Variants in GTF2F2 observed in about 807,000 individuals in gnomAD.
The protein encoded by GTF2F2 is ATP-dependent helicase GTF2F2.
GTF2F2 carries 23 observed loss-of-function variants against 42.2 expected under a neutral mutation model. That is an observed-to-expected ratio of 0.55 (90% CI 0.39 to 0.77). The LOEUF (loss-of-function observed/expected upper bound fraction) is 0.77, where lower values mean the gene tolerates loss of function less well. Among genes scored for constraint, GTF2F2 ranks in the 30% least tolerant of loss-of-function variants. GTF2F2 has a pLI of 0.00. For missense variants in GTF2F2, 261 were observed against 287.2 expected (o/e 0.91, Z 0.66); for synonymous variants, 105 against 100.8 (o/e 1.04, Z -0.25).
chr13:45,252,597 T>G (rs560821360), intron 5 of GTF2F2, among the ~76,000 whole-genome samples: 2 of 152,304 alleles, frequency 1.3e-5, no homozygotes, highest in African/African-American at 4.8e-5. Flanking sequence ...ATTAGCTTCT[T>G]GGTTTTAGTG....
chr13:45,263,507 C>T (rs975739576), intron 6 of GTF2F2, among the ~76,000 whole-genome samples: 2 of 152,040 alleles, frequency 1.3e-5, no homozygotes, highest in Non-Finnish European at 2.9e-5. Flanking sequence ...GGATTACAGG[C>T]GTGAGCCACC....
At chr13:45,194,796 A>G in intron 4 of GTF2F2, 1 of 538,344 alleles carries the variant, frequency 1.9e-6, no homozygotes, top group Non-Finnish European at 3.3e-6. Flanking sequence ...TAACTGTATC[A>G]GGGAAGGGAT....
At chr13:45,277,196 C>T (rs1877073327) in intron 7 of GTF2F2, among the ~76,000 whole-genome samples, 1 of 152,122 alleles carries the variant, frequency 6.6e-6, no homozygotes, top group Non-Finnish European at 1.5e-5. Context: ...TGTATTAGGC[C>T]ATTCTTGCAT....
intron 4 of GTF2F2, among the ~76,000 whole-genome samples, chr13:45,182,621 G>A (rs752674300): frequency 6.6e-6 from 1 of 152,066 alleles, no homozygotes; most frequent in Non-Finnish European, 1.5e-5. Context: ...CTTACTTGAT[G>A]TAAAAATAGT....
chr13:45,251,407 GC>G (rs1555271905), intron 5 of GTF2F2, among the ~76,000 whole-genome samples: 1 of 151,982 alleles, frequency 6.6e-6, no homozygotes, highest in Non-Finnish European at 1.5e-5. Context: ...TTAATAGCCA[GC>G]ATTTTTGTGG....
chr13:45,182,946 T>C (rs769062368), intron 4 of GTF2F2, among the ~76,000 whole-genome samples: 1 of 152,100 alleles, frequency 6.6e-6, no homozygotes, highest in Non-Finnish European at 1.5e-5. Context: ...GGGTTCCCTT[T>C]TGGTTAACTG....
At chr13:45,188,505 A>C (rs1397320672) in intron 4 of GTF2F2, among the ~76,000 whole-genome samples, 1 of 152,198 alleles carries the variant, frequency 6.6e-6, no homozygotes, top group Non-Finnish European at 1.5e-5. Context: ...TGCCATGAAA[A>C]TACTTTTTAC....
chr13:45,153,318 G>A (rs559091035), intron 4 of GTF2F2, among the ~76,000 whole-genome samples: 5 of 151,884 alleles, frequency 3.3e-5, no homozygotes, highest in African/African-American at 7.3e-5. Context: ...GGGCCCGGCC[G>A]AATTTTTTTT....
intron 1 of GTF2F2, among the ~76,000 whole-genome samples, chr13:45,130,115 A>G (rs1374506661): frequency 1.3e-5 from 2 of 152,242 alleles, no homozygotes; most frequent in Non-Finnish European, 2.9e-5. Flanking sequence ...AAGACATTAT[A>G]GGAGTTTTCT....
At chr13:45,246,393 C>T (rs1875615627) in intron 5 of GTF2F2, among the ~76,000 whole-genome samples, 1 of 152,070 alleles carries the variant, frequency 6.6e-6, no homozygotes, top group African/African-American at 2.4e-5. Flanking sequence ...TTCTTGATGC[C>T]TTTATTTCTC....
At chr13:45,144,598 C>T (rs1345356967) in intron 2 of GTF2F2, among the ~76,000 whole-genome samples, 3 of 151,640 alleles carry the variant, frequency 2.0e-5, no homozygotes, top group East Asian at 1.9e-4. Context: ...CCCGCCACCA[C>T]GACTGGCTAA....
At chr13:45,189,538 A>G (rs559348341) in intron 4 of GTF2F2, among the ~76,000 whole-genome samples, 13 of 152,294 alleles carry the variant, frequency 8.5e-5, no homozygotes, top group Admixed American at 5.9e-4. Flanking sequence ...AAGCATTCCT[A>G]TTTCTTCACA....
intron 1 of GTF2F2, among the ~76,000 whole-genome samples, chr13:45,129,909 C>T (rs1300441046): frequency 6.6e-6 from 1 of 152,182 alleles, no homozygotes; most frequent in Non-Finnish European, 1.5e-5. Context: ...GGTCTTTAAG[C>T]AGGGACGTAA....
intron 4 of GTF2F2, among the ~76,000 whole-genome samples, chr13:45,186,788 C>T (rs994565051): frequency 9.2e-5 from 14 of 152,030 alleles, no homozygotes; most frequent in African/African-American, 1.7e-4. Context: ...CCTGTTTTAA[C>T]GAGGCAAAAA....
chr13:45,243,111 A>G (rs1258856588), intron 5 of GTF2F2, among the ~76,000 whole-genome samples: 1 of 152,238 alleles, frequency 6.6e-6, no homozygotes, highest in Non-Finnish European at 1.5e-5. Flanking sequence ...CAGGGGATTG[A>G]TTCCAGGACT....
chr13:45,216,421 T>G (rs1189820680), intron 5 of GTF2F2, among the ~76,000 whole-genome samples: 1 of 152,188 alleles, frequency 6.6e-6, no homozygotes, highest in Non-Finnish European at 1.5e-5. Flanking sequence ...TGGTCTCTTG[T>G]GTTCCGTGGT....
intron 2 of GTF2F2, among the ~76,000 whole-genome samples, chr13:45,148,729 A>G (rs1870330264): frequency 6.6e-6 from 1 of 152,144 alleles, no homozygotes; most frequent in South Asian, 2.1e-4. Context: ...TTTGCATGTA[A>G]GAGGTATTTA....
At chr13:45,177,223 A>G (rs1871924637) in intron 4 of GTF2F2, among the ~76,000 whole-genome samples, 1 of 152,052 alleles carries the variant, frequency 6.6e-6, no homozygotes, top group South Asian at 2.1e-4. Context: ...TTTGCCATAA[A>G]TCAACTATTT....
chr13:45,156,441 T>G (rs907033693), intron 4 of GTF2F2, among the ~76,000 whole-genome samples: 2 of 152,206 alleles, frequency 1.3e-5, no homozygotes, highest in Non-Finnish European at 2.9e-5. Flanking sequence ...CCTGTCATCC[T>G]CTGTCATAGC....
Sources: allele counts gnomAD v4.1 joint callset (sites outside exome capture counted in the v4.1 genomes callset), GRCh38; gene constraint gnomAD v4.1.1; transcripts MANE v1.5; gene names NCBI Gene and HGNC (gene_info 2026-07-23, HGNC 2026-07-21).